The following LATS2 variants were observed in gnomAD, a reference collection of about 807,000 sequenced individuals.
LATS2 encodes large tumor suppressor kinase 2.
In LATS2, 24 loss-of-function variants were observed where a neutral mutation model predicts 76.0. The ratio of observed to expected loss-of-function variants is 0.32; its 90% CI spans 0.23 to 0.44. The LOEUF (loss-of-function observed/expected upper bound fraction) is 0.44. Among genes scored for constraint, LATS2 ranks in the 20% least tolerant of loss-of-function variants. The pLI is 1.00. For synonymous variants in LATS2, 692 were observed against 635.4 expected, an observed-to-expected ratio of 1.09 and a Z score of -1.34; for missense variants, 1,286 against 1,481.2, an observed-to-expected ratio of 0.87 and a Z score of 2.16.
chr13:21,043,052 G>A (rs969221152), intron 2 of LATS2, among the ~76,000 whole-genome samples: 3 of 151,408 alleles, frequency 2.0e-5, no homozygotes, highest in East Asian at 1.9e-4. Flanking sequence ...AAGAACTCTC[G>A]GCCAGACGTG....
chr13:20,979,374 G>GA (rs1228852847), intron 7 of LATS2, among the ~76,000 whole-genome samples: 2 of 151,988 alleles, frequency 1.3e-5, no homozygotes, highest in African/African-American at 4.8e-5. Flanking sequence ...GTGGGTGGGG[G>GA]AGACAGTGGA....
rs148603382 is a variant in LATS2 at position 21,010,201 on chromosome 13, A to ACAAACAAACAAAC, written c.343-18798_343-18797insGTTTGTTTGTTTG. On this transcript the variant is annotated intron_variant, in intron 2 of 7. Transcript: ENST00000382592. ...GGCCATGGAGCTAGACTCTGTCAAA[A>ACAAACAAACAAAC]AAACAAACAAACAAACAAACAAAAA... is the stretch of plus-strand genomic sequence containing the variant. 4.8e-3 allele frequency among the ~76,000 whole-genome samples: 721 copies of ACAAACAAACAAAC among 150,716 alleles called. 7 individuals carry two copies. The highest frequency in any genetic ancestry group is 0.017 in the African/African-American group (685 of 40,806).
At chr13:21,046,828 T>C (rs1050609222) in intron 1 of LATS2, among the ~76,000 whole-genome samples, 1 of 152,236 alleles carries the variant, frequency 6.6e-6, no homozygotes, top group South Asian at 2.1e-4. Flanking sequence ...ACACACATTA[T>C]GAGACTTTGA....
chr13:21,007,180 T>C (rs994063205), intron 2 of LATS2, among the ~76,000 whole-genome samples: 12 of 152,130 alleles, frequency 7.9e-5, no homozygotes, highest in Admixed American at 6.6e-4. Flanking sequence ...ATATACATAT[T>C]ATGGGTTTAA....
Position 20,975,147 on chromosome 13 carries a change from A to C in LATS2, c.2990T>G (p.Met997Arg). 6.2e-7 allele frequency: 1 copy of C among 1,614,160 alleles called. No homozygotes were observed. Among genetic ancestry groups the C allele is most frequent in the Non-Finnish European group, 8.5e-7 (1 of 1,180,022 alleles). ...TACGGGGTCGAAATTCGAGGTGTCC[A>C]TGGGGTGGCTGATGGTGGGAACGTA... ...APYVPTISHPMDTSNFDPVDE... is the reference protein window; with the variant it reads ...APYVPTISHPRDTSNFDPVDE... Residue 997 changes from methionine to arginine, a missense_variant, in exon 8 of 8, where the codon ATG (methionine) becomes AGG (arginine). Met to Arg is a moderately conservative substitution (Grantham distance 91, BLOSUM62 -1). Transcript: ENST00000382592.
intron 2 of LATS2, among the ~76,000 whole-genome samples, chr13:21,024,383 C>T (rs1465270982): frequency 6.6e-6 from 1 of 151,658 alleles, no homozygotes. Flanking sequence ...TTGCAGTGAG[C>T]CGAGATCGCG....
At position 20,974,865 on chromosome 13, in the gene LATS2, C is replaced by T. The variant is rs752216344; in HGVS notation, c.*5G>A. 1 of 1,596,778 alleles carries T rather than the reference C, an allele frequency of 6.3e-7. No homozygotes were observed. Among genetic ancestry groups the T allele is most frequent in the East Asian group, 2.2e-5 (1 of 44,648 alleles). The stretch of plus-strand genomic sequence containing the variant: ...CAGCGAGTGGTGGGGGTGCCTGGCC[C>T]CCATCTACACGTACACAGGCTGGCA... On this transcript the variant is annotated 3_prime_UTR_variant, in exon 8 of 8. Coordinates refer to ENST00000382592, the MANE Select transcript of LATS2 (RefSeq NM_014572.3).
intron 1 of LATS2, among the ~76,000 whole-genome samples, chr13:21,059,292 T>C (rs1323882646): frequency 5.3e-5 from 8 of 152,270 alleles, no homozygotes; most frequent in Admixed American, 4.6e-4. Flanking sequence ...ATTTTTTTAA[T>C]GCTATTACAT....
chr13:21,047,787 A>G (rs1360279138), intron 1 of LATS2, among the ~76,000 whole-genome samples: 1 of 152,114 alleles, frequency 6.6e-6, no homozygotes, highest in Non-Finnish European at 1.5e-5. Flanking sequence ...ACATAGATCT[A>G]TTGCACAACC....
intron 2 of LATS2, among the ~76,000 whole-genome samples, chr13:21,022,694 A>T (rs906369602): frequency 1.3e-5 from 2 of 152,106 alleles, no homozygotes; most frequent in African/African-American, 4.8e-5. Flanking sequence ...CTGAAGGGGG[A>T]GAGAGATGAG....
At chr13:21,024,975 C>T (rs534019608) in intron 2 of LATS2, among the ~76,000 whole-genome samples, 1 of 152,298 alleles carries the variant, frequency 6.6e-6, no homozygotes, top group Non-Finnish European at 1.5e-5. Flanking sequence ...GCAGACCAGG[C>T]TTCCCCCATA....
chr13:20,982,269 T>C (rs1869924557), intron 5 of LATS2, among the ~76,000 whole-genome samples: 1 of 152,196 alleles, frequency 6.6e-6, no homozygotes, highest in Admixed American at 6.5e-5. Flanking sequence ...TAGATGCAGG[T>C]TGGCTATAAG....
rs187073479 is a variant in LATS2 at position 21,038,515 on chromosome 13, C to T, written c.342+7170G>A. The T allele has an allele frequency of 1.5e-4, 23 of 152,214 alleles. 1 individual carries two copies. Among genetic ancestry groups the T allele is most frequent in the Admixed American group, 1.2e-3 (19 of 15,278 alleles). 9.4% of individuals were successfully genotyped at this position (152,214 alleles called of 1,614,324 possible). ...ACTGCACCCCACCTATTTTATCTCT[C>T]TCTTTCTTTTCAGTCTCTGTAGAGA... On this transcript the variant is annotated intron_variant, in intron 2 of 7. Transcript: ENST00000382592.
At chr13:21,031,801 G>C (rs919152886) in intron 2 of LATS2, among the ~76,000 whole-genome samples, 2 of 152,142 alleles carry the variant, frequency 1.3e-5, no homozygotes, top group Non-Finnish European at 2.9e-5. Flanking sequence ...GCTGCAGTGA[G>C]CTGTGATGGC....
rs767812842 is a variant in LATS2 at position 20,988,462 on chromosome 13, T to C, written c.1318A>G (p.Ile440Val). 1.3e-6 allele frequency: 2 copies of C among 1,526,160 alleles called. No homozygotes were observed. Among genetic ancestry groups the C allele is most frequent in the African/African-American group, 1.4e-5 (1 of 71,608 alleles). The allele number at this position is 1,526,160 out of a possible 1,614,324, so 94.5% of individuals were successfully genotyped here. Residue 440 changes from isoleucine to valine, a missense_variant, in exon 4 of 8, where the codon ATC becomes GTC. Physicochemically the swap from Ile to Val is conservative, Grantham distance 29. This residue lies in a region of LATS2 where 710 missense variants were observed against 660.9 expected (regional missense o/e 1.07). Coordinates refer to ENST00000382592, the MANE Select transcript of LATS2 (RefSeq NM_014572.3). ...CGCACGCTCTTCACCGGGTGCAAGA[T>C]GTGCGCGGCCGTGACAGCCGTCACG... The part of the protein sequence containing the change: ...NTVTAVTAAH[I>V]LHPVKSVRVL...
intron 2 of LATS2, among the ~76,000 whole-genome samples, chr13:21,019,475 C>T (rs1469521521): frequency 6.1e-5 from 9 of 146,722 alleles, no homozygotes; most frequent in South Asian, 2.1e-4. Flanking sequence ...TACAGGTGCA[C>T]GCCACCACGC....
rs375282390 is a variant in LATS2 at position 20,988,150 on chromosome 13, G to A, written c.1630C>T (p.Leu544Phe). The stretch of plus-strand genomic sequence containing the variant: ...TCGGGCTCGTTGGGGCCCGCACGGA[G>A]GCTCTGCTCCATGCCTGCGCACAGG... ...DSLCAGMEQS[L>F]RAGPNEPEGG... The change falls in exon 4 of 8, where the codon CTC (leucine) becomes TTC (phenylalanine). Residue 544 changes from leucine to phenylalanine, a missense_variant. By Grantham distance (22) the Leu-to-Phe change is conservative. Transcript: ENST00000382592. 6 of 1,613,996 alleles carry A rather than the reference G, an allele frequency of 3.7e-6. No homozygotes were observed. Among genetic ancestry groups the A allele is most frequent in the South Asian group, 2.2e-5 (2 of 91,088 alleles).
rs1869423594 is a variant in LATS2 at position 20,973,344 on chromosome 13, T to C, written c.*1526A>G. On this transcript the variant is annotated 3_prime_UTR_variant, in exon 8 of 8. Transcript: ENST00000382592. ...TGTTGCCTAGATATATACTAAGTAA[T>C]GGATACATTATGCTAAGAACTTCAA... 4.3e-6 allele frequency: 1 copy of C among 231,432 alleles called. No individual in the cohort carries two copies. The highest frequency in any genetic ancestry group is 2.2e-5 in the African/African-American group (1 of 45,378). The allele number at this position is 231,432 out of a possible 1,614,324, so 14.3% of individuals were successfully genotyped here.
Position 20,976,092 on chromosome 13 carries a change from G to T in LATS2, c.2773-728C>A, listed in dbSNP as rs1055279095. Reference sequence around the variant, plus strand: ...TGACTGACCCCATGTGACCTTACATGCTCAACTGCACAAACCAGCCATCTG... The same window carrying T: ...TGACTGACCCCATGTGACCTTACATTCTCAACTGCACAAACCAGCCATCTG... On this transcript the variant is annotated intron_variant, in intron 7 of 7. Transcript: ENST00000382592. Among the ~76,000 whole-genome samples, 7 of 152,340 alleles carry T rather than the reference G, an allele frequency of 4.6e-5. 1 individual carries two copies. The South Asian group carries it at 1.2e-3, about 27-fold the overall frequency.
Sources: gnomAD v4.1 joint callset for allele counts (sites outside exome capture counted in the v4.1 genomes callset) on GRCh38, gnomAD v4.1.1 for gene constraint, gnomAD v4.1.1 regional missense constraint, MANE v1.5 for transcripts, NCBI Gene and HGNC (gene_info 2026-07-23, HGNC 2026-07-21) for gene names.